Variants in ZBTB8A observed in about 807,000 individuals in gnomAD.
The protein encoded by ZBTB8A is zinc finger and BTB domain-containing protein 8A.
ZBTB8A carries 19 observed loss-of-function variants against 37.8 expected under a neutral mutation model. The observed-to-expected ratio is 0.50, with a 90% CI of 0.35 to 0.74. The LOEUF is 0.74. ZBTB8A is among the 30% of genes least tolerant of loss of function. ZBTB8A has a pLI of 0.01. For missense variants in ZBTB8A, 394 were observed against 537.8 expected, an observed-to-expected ratio of 0.73 and a Z score of 2.65; for synonymous variants, 181 against 185.2, an observed-to-expected ratio of 0.98 and a Z score of 0.19.
intron 1 of ZBTB8A, among the ~76,000 whole-genome samples, chr1:32,539,963 G>C (rs1035552727): frequency 2.0e-5 from 3 of 151,360 alleles, no homozygotes; most frequent in African/African-American, 7.3e-5. Flanking sequence ...CGCCGCGGGG[G>C]CGCGCGGGGA....
At chr1:32,545,275 A>G (rs186655780) in intron 1 of ZBTB8A, among the ~76,000 whole-genome samples, 258 of 152,314 alleles carry the variant, frequency 1.7e-3, no homozygotes, top group African/African-American at 6.1e-3. Flanking sequence ...GTAGCAAACT[A>G]TCCTAGTGGG....
chr1:32,590,625 T>A (rs1644481205), intron 2 of ZBTB8A, among the ~76,000 whole-genome samples: 2 of 152,172 alleles, frequency 1.3e-5, no homozygotes, highest in African/African-American at 4.8e-5. Flanking sequence ...AAACTTCAGC[T>A]GTATTTTATC....
chr1:32,548,603 G>C (rs756405722), intron 1 of ZBTB8A, among the ~76,000 whole-genome samples: 6 of 152,144 alleles, frequency 3.9e-5, no homozygotes, highest in Non-Finnish European at 7.4e-5. Flanking sequence ...CAAAGTGCTA[G>C]GATTACAGGC....
At chr1:32,565,515 C>T (rs987731496) in intron 2 of ZBTB8A, among the ~76,000 whole-genome samples, 4 of 151,578 alleles carry the variant, frequency 2.6e-5, no homozygotes, top group African/African-American at 4.8e-5. Context: ...ATTAGCTGGG[C>T]GTGGTGGCAT....
At chr1:32,562,962 A>G (rs1570330440) in intron 2 of ZBTB8A, among the ~76,000 whole-genome samples, 3 of 152,160 alleles carry the variant, frequency 2.0e-5, no homozygotes, top group South Asian at 2.1e-4. Context: ...CATTTATATT[A>G]TAAGACATGT....
chr1:32,589,101 C>T (rs891646013), intron 2 of ZBTB8A, among the ~76,000 whole-genome samples: 3 of 152,012 alleles, frequency 2.0e-5, no homozygotes, highest in Non-Finnish European at 4.4e-5. Context: ...AAAACTGTTC[C>T]AATGAATTTT....
chr1:32,556,489 C>T lies in ZBTB8A; in HGVS notation c.-2+2949C>T, dbSNP rs140823494. Among the ~76,000 whole-genome samples the T allele has an allele frequency of 2.5e-3, 374 of 152,254 alleles. 4 individuals are homozygous for T. In the Middle Eastern group the frequency reaches 0.034, roughly 14 times the overall value. On this transcript the variant is annotated intron_variant, in intron 2 of 4. Coordinates refer to ENST00000373510, the MANE Select transcript of ZBTB8A (RefSeq NM_001040441.3). ...CCTAAGCAATCCACTGTCTGTGCCT[C>T]CCAAGTAGCTGGGACCACAGGCATG... is the stretch of plus-strand genomic sequence containing the variant.
intron 2 of ZBTB8A, among the ~76,000 whole-genome samples, chr1:32,558,918 T>C (rs932827975): frequency 1.2e-4 from 19 of 152,200 alleles, no homozygotes; most frequent in Admixed American, 5.9e-4. Flanking sequence ...ATTTACAATG[T>C]TGCGTTGAAT....
At chr1:32,596,912 C>T (rs1210144049) in intron 4 of ZBTB8A, among the ~76,000 whole-genome samples, 2 of 152,170 alleles carry the variant, frequency 1.3e-5, no homozygotes. Flanking sequence ...TGTAGATACT[C>T]AGCATCTACC....
chr1:32,563,929 A>G (rs1322437646), intron 2 of ZBTB8A, among the ~76,000 whole-genome samples: 1 of 152,184 alleles, frequency 6.6e-6, no homozygotes, highest in African/African-American at 2.4e-5. Flanking sequence ...TGGGGAGTAC[A>G]TCTTGCTTCT....
intron 4 of ZBTB8A, among the ~76,000 whole-genome samples, chr1:32,596,666 A>G (rs1644534589): frequency 6.6e-6 from 1 of 152,170 alleles, no homozygotes; most frequent in Admixed American, 6.6e-5. Context: ...CAACTCTACC[A>G]TATTTAAAAT....
intron 2 of ZBTB8A, among the ~76,000 whole-genome samples, chr1:32,580,291 T>C (rs1644393341): frequency 6.6e-6 from 1 of 152,100 alleles, no homozygotes; most frequent in Non-Finnish European, 1.5e-5. Context: ...CAGTGGCTCA[T>C]GCCTGTATAT....
intron 1 of ZBTB8A, among the ~76,000 whole-genome samples, chr1:32,549,569 AT>A (rs1644134408): frequency 6.6e-6 from 1 of 151,964 alleles, no homozygotes; most frequent in Non-Finnish European, 1.5e-5. Flanking sequence ...TGCTAGTGTA[AT>A]TTAAGGGTCG....
chr1:32,575,858 C>T (rs1347316510), intron 2 of ZBTB8A, among the ~76,000 whole-genome samples: 2 of 152,024 alleles, frequency 1.3e-5, no homozygotes, highest in Non-Finnish European at 2.9e-5. Flanking sequence ...ATCCCTGAAA[C>T]AAACAAACGA....
chr1:32,576,294 A>G (rs1215341537), intron 2 of ZBTB8A, among the ~76,000 whole-genome samples: 2 of 152,204 alleles, frequency 1.3e-5, no homozygotes, highest in East Asian at 3.8e-4. Flanking sequence ...CTTCTCATGT[A>G]TATTATAAGA....
At chr1:32,574,697 G>A (rs1644347276) in intron 2 of ZBTB8A, among the ~76,000 whole-genome samples, 1 of 152,180 alleles carries the variant, frequency 6.6e-6, no homozygotes, top group African/African-American at 2.4e-5. Context: ...TAAAAAGAAT[G>A]TATATTTTGC....
rs1263504659 is a variant in ZBTB8A, at chr1:32,603,686, A to G, written c.*3267A>G. The G allele has an allele frequency of 1.3e-5, 2 of 152,666 alleles. No individual in the cohort carries two copies. Among genetic ancestry groups the G allele is most frequent in the East Asian group, 1.9e-4 (1 of 5,204 alleles). The allele number at this position is 152,666 out of a possible 1,614,324, so 9.5% of individuals were successfully genotyped here. On this transcript the variant is annotated 3_prime_UTR_variant, in exon 5 of 5. Transcript: ENST00000373510. Reference sequence around the variant, plus strand: ...ATTATCTTCTGCATGCAAACTTTACATACATCAGCATGAATATCCAACATT... The same window carrying G: ...ATTATCTTCTGCATGCAAACTTTACGTACATCAGCATGAATATCCAACATT...
intron 2 of ZBTB8A, among the ~76,000 whole-genome samples, chr1:32,559,833 A>G (rs945425812): frequency 1.3e-5 from 2 of 152,142 alleles, no homozygotes; most frequent in African/African-American, 2.4e-5. Context: ...ATGGGTTATC[A>G]TGGGAGGAAC....
Position 32,571,968 on chromosome 1 carries a change from A to G in ZBTB8A, c.-2+18428A>G, listed in dbSNP as rs1275465842. On this transcript the variant is annotated intron_variant, in intron 2 of 4. Coordinates refer to ENST00000373510, the MANE Select transcript of ZBTB8A (RefSeq NM_001040441.3). The stretch of plus-strand genomic sequence containing the variant: ...ACCTGGGCTAGAGTGCAGTGGAACA[A>G]TCTTGGCTCACTACAACCTCTGCCT... Among the ~76,000 whole-genome samples the G allele has an allele frequency of 2.0e-5, 3 of 151,762 alleles. No homozygotes were observed. In the East Asian group the frequency reaches 5.8e-4, roughly 29 times the overall value.
Sources: gnomAD v4.1 joint callset for allele counts (sites outside exome capture counted in the v4.1 genomes callset) on GRCh38, gnomAD v4.1.1 for gene constraint, MANE v1.5 for transcripts, NCBI Gene and HGNC (gene_info 2026-07-23, HGNC 2026-07-21) for gene names.